Variants in PBX1 observed in about 807,000 individuals in gnomAD.
PBX1 encodes PBX homeobox 1.
PBX1 carries 6 observed loss-of-function variants against 53.4 expected under a neutral mutation model. The observed-to-expected ratio is 0.11, with a 90% CI of 0.06 to 0.22. PBX1 has a LOEUF of 0.22. PBX1 is among the 10% of genes least tolerant of loss of function. PBX1 has a pLI of 1.00. For synonymous variants in PBX1, 204 were observed against 212.3 expected (o/e 0.96, Z 0.34); for missense variants, 251 against 551.4 (o/e 0.46, Z 5.46).
chr1:164,618,457 C>T (rs989281598), intron 2 of PBX1, among the ~76,000 whole-genome samples: 2 of 152,078 alleles, frequency 1.3e-5, no homozygotes, highest in Admixed American at 6.5e-5. Flanking sequence ...TTTTGCACAG[C>T]TCCAGTGGAA....
intron 5 of PBX1, among the ~76,000 whole-genome samples, chr1:164,809,864 G>A (rs1669523752): frequency 1.3e-5 from 2 of 152,148 alleles, no homozygotes; most frequent in South Asian, 2.1e-4. Flanking sequence ...TCCACAGAAT[G>A]CAGCATCAGC....
intron 2 of PBX1, among the ~76,000 whole-genome samples, chr1:164,758,792 A>G (rs1209650972): frequency 1.3e-5 from 2 of 152,024 alleles, no homozygotes; most frequent in Non-Finnish European, 2.9e-5. Context: ...AACTTAGTCA[A>G]TTCCATAGCA....
chr1:164,868,694 T>C (rs1240499385), intron 2 of PBX1, among the ~76,000 whole-genome samples: 1 of 152,174 alleles, frequency 6.6e-6, no homozygotes, highest in African/African-American at 2.4e-5. Flanking sequence ...AAGGACTCAA[T>C]GAGAGGCTTT....
chr1:164,571,673 T>A (rs1014547074), intron 2 of PBX1, among the ~76,000 whole-genome samples: 4 of 150,304 alleles, frequency 2.7e-5, no homozygotes, highest in Non-Finnish European at 5.9e-5. Flanking sequence ...ATAATACTGC[T>A]ATGAACATTT....
intron 2 of PBX1, among the ~76,000 whole-genome samples, chr1:164,713,113 A>G (rs896184531): frequency 1.3e-5 from 2 of 152,148 alleles, no homozygotes; most frequent in African/African-American, 4.8e-5. Flanking sequence ...AGGTCCCACC[A>G]AGTCATTCGT....
At chr1:164,749,384 C>T (rs953796559) in intron 2 of PBX1, among the ~76,000 whole-genome samples, 11 of 152,076 alleles carry the variant, frequency 7.2e-5, no homozygotes, top group Admixed American at 5.2e-4. Context: ...TATTATTACC[C>T]TACAAATAGG....
chr1:164,561,677 CTTCTT>C, intron 1 of PBX1, among the ~76,000 whole-genome samples: 1 of 152,260 alleles, frequency 6.6e-6, no homozygotes, highest in South Asian at 2.1e-4. Context: ...TTCAGTCTCT[CTTCTT>C]TTGTGAAACT....
intron 4 of PBX1, among the ~76,000 whole-genome samples, chr1:164,803,055 G>A (rs1197765662): frequency 6.6e-6 from 1 of 152,130 alleles, no homozygotes; most frequent in Non-Finnish European, 1.5e-5. Flanking sequence ...TTGCCAAAGA[G>A]AGGATGACAA....
intron 2 of PBX1, among the ~76,000 whole-genome samples, chr1:164,613,012 G>A (rs932476158): frequency 6.6e-6 from 1 of 152,172 alleles, no homozygotes; most frequent in Non-Finnish European, 1.5e-5. Flanking sequence ...ACATCAGTGT[G>A]TGGCACCCAG....
rs534670081 is a variant in PBX1, at chr1:164,738,160, A to T, written c.266-54334A>T. ...TGTTTCTTCGTTCATCCATTGATGA[A>T]CATTTGGATCATTTACAGTTTGGGG... On this transcript the variant is annotated intron_variant, in intron 2 of 8. Transcript: ENST00000420696. 1.5e-3 allele frequency among the ~76,000 whole-genome samples: 222 copies of T among 152,278 alleles called. 1 individual carries two copies. The highest frequency in any genetic ancestry group is 5.2e-3 in the African/African-American group (215 of 41,552).
intron 2 of PBX1, among the ~76,000 whole-genome samples, chr1:164,581,826 A>G (rs987694290): frequency 5.9e-5 from 9 of 152,220 alleles, no homozygotes; most frequent in Admixed American, 3.3e-4. Context: ...ACCTTTAATC[A>G]TACTATCCTA....
rs574660316 is a variant in PBX1 at position 164,683,024 on chromosome 1, G to A, written c.266-109470G>A. On this transcript the variant is annotated intron_variant, in intron 2 of 8. Coordinates refer to ENST00000420696, the MANE Select transcript of PBX1 (RefSeq NM_002585.4). The stretch of plus-strand genomic sequence containing the variant: ...TTACTAAGCATGTCTTGACGCAGAG[G>A]ATGGAGGGAAAGAAAGCCTCCAAGA... The A allele has an allele frequency of 3.3e-5, 5 of 152,336 alleles. No homozygotes were observed. The East Asian group carries it at 5.8e-4, about 18-fold the overall frequency. 9.4% of individuals were successfully genotyped at this position (152,336 alleles called of 1,614,324 possible).
At chr1:164,840,430 G>T (rs1391737586) in intron 8 of PBX1, among the ~76,000 whole-genome samples, 1 of 152,138 alleles carries the variant, frequency 6.6e-6, no homozygotes, top group Non-Finnish European at 1.5e-5. Flanking sequence ...ATCTGTATAT[G>T]GGTCTCACAC....
At position 164,849,799 on chromosome 1, in the gene PBX1, TTC is replaced by T. The variant is rs1671744271; in HGVS notation, c.*3129_*3130del. The T allele has an allele frequency of 4.2e-6, 1 of 235,774 alleles. No individual in the cohort carries two copies. Among genetic ancestry groups the T allele is most frequent in the Non-Finnish European group, 8.3e-6 (1 of 119,924 alleles). The allele number at this position is 235,774 out of a possible 1,614,324, so 14.6% of individuals were successfully genotyped here. A position where few individuals can be genotyped will look rare whatever the true frequency, so the allele number is the denominator to read the frequency against. ...GCTGGTTGTCTTTTCTCACACATCT[TTC>T]TCTCTGTCTCTCTCTTTCCTGCTCT... On this transcript the variant is annotated 3_prime_UTR_variant, in exon 9 of 9. Coordinates refer to ENST00000420696, the MANE Select transcript of PBX1 (RefSeq NM_002585.4).
chr1:164,599,518 C>G (rs1412341587), intron 2 of PBX1, among the ~76,000 whole-genome samples: 1 of 152,098 alleles, frequency 6.6e-6, no homozygotes, highest in African/African-American at 2.4e-5. Flanking sequence ...ATAGTTCAAA[C>G]CCATTGTTTT....
chr1:164,800,711 A>C (rs1669025874), intron 4 of PBX1, among the ~76,000 whole-genome samples: 1 of 152,230 alleles, frequency 6.6e-6, no homozygotes, highest in Admixed American at 6.5e-5. Flanking sequence ...TTGATAATTC[A>C]TCTAGCAAAT....
chr1:164,730,718 C>T (rs572923495), intron 2 of PBX1, among the ~76,000 whole-genome samples: 2 of 152,114 alleles, frequency 1.3e-5, no homozygotes, highest in South Asian at 2.1e-4. Flanking sequence ...TACTGCTTTG[C>T]GTAAGTTTAA....
rs977476832 is a variant in PBX1, at chr1:164,768,792, G to A, written c.266-23702G>A. Among the ~76,000 whole-genome samples, 11 of 152,132 alleles carry A rather than the reference G, an allele frequency of 7.2e-5. No individual in the cohort carries two copies. In the East Asian group the frequency reaches 9.6e-4, roughly 13 times the overall value. ...TCTCATTAAGAAATCCATTCATCAC[G>A]CCTGTAATCCCAGCCCTTTGGGAGG... On this transcript the variant is annotated intron_variant, in intron 2 of 8. Coordinates refer to ENST00000420696, the MANE Select transcript of PBX1 (RefSeq NM_002585.4).
chr1:164,636,703 T>C (rs1352433067), intron 2 of PBX1, among the ~76,000 whole-genome samples: 1 of 152,164 alleles, frequency 6.6e-6, no homozygotes, highest in Non-Finnish European at 1.5e-5. Flanking sequence ...CCAGGGAGAC[T>C]GCAACTTTCT....
Sources: gnomAD v4.1 joint callset for allele counts (sites outside exome capture counted in the v4.1 genomes callset) on GRCh38, gnomAD v4.1.1 for gene constraint, MANE v1.5 for transcripts, NCBI Gene and HGNC (gene_info 2026-07-23, HGNC 2026-07-21) for gene names.